Variants in SLC24A2 observed in about 807,000 individuals in gnomAD.
SLC24A2 encodes the protein sodium/potassium/calcium exchanger 2.
A neutral mutation model predicts 62.0 loss-of-function variants in SLC24A2; 36 were observed. The observed-to-expected ratio is 0.58, with a 90% CI of 0.44 to 0.77. SLC24A2 has a LOEUF of 0.77. SLC24A2 is among the 30% of genes least tolerant of loss of function. SLC24A2 has a pLI of 0.00. For missense variants in SLC24A2, 846 were observed against 817.9 expected (o/e 1.03, Z -0.42); for synonymous variants, 358 against 294.0 (o/e 1.22, Z -2.23).
At chr9:19,678,226 ATTCT>A (rs1430684496) in intron 2 of SLC24A2, among the ~76,000 whole-genome samples, 8 of 152,188 alleles carry the variant, frequency 5.3e-5, no homozygotes, top group Non-Finnish European at 1.2e-4. Flanking sequence ...TTCCTTTGTT[ATTCT>A]GACTCTAAAT....
the SLC24A2 span, among the ~76,000 whole-genome samples, chr9:20,203,191 G>C: frequency 2.0e-5 from 3 of 151,460 alleles, no homozygotes; most frequent in Non-Finnish European, 2.9e-5. Context: ...AATCTAAGCT[G>C]TGAACAGGGC....
the SLC24A2 span, among the ~76,000 whole-genome samples, chr9:20,105,060 A>G: frequency 6.6e-6 from 1 of 152,224 alleles, no homozygotes; most frequent in South Asian, 2.1e-4. Flanking sequence ...ATTCTCTGAT[A>G]AAACAGACTT....
the SLC24A2 span, among the ~76,000 whole-genome samples, chr9:19,920,207 C>G: frequency 6.6e-6 from 1 of 152,076 alleles, no homozygotes; most frequent in African/African-American, 2.4e-5. Context: ...AATAAATGAT[C>G]TCCTCCATTA....
the SLC24A2 span, among the ~76,000 whole-genome samples, chr9:19,875,525 G>A: frequency 1.3e-5 from 2 of 152,138 alleles, no homozygotes; most frequent in African/African-American, 4.8e-5. Flanking sequence ...TCCTGCAAGG[G>A]CTCCATCTGT....
the SLC24A2 span, among the ~76,000 whole-genome samples, chr9:19,819,987 A>G: frequency 7.1e-6 from 1 of 140,080 alleles, no homozygotes; most frequent in Non-Finnish European, 1.5e-5. Flanking sequence ...AGATAAAGAA[A>G]CTGCAGTATA....
chr9:19,636,342 T>TCTTTCTTTCTTG, intron 2 of SLC24A2, among the ~76,000 whole-genome samples: 1 of 35,904 alleles, frequency 2.8e-5, no homozygotes, highest in African/African-American at 1.4e-4. Flanking sequence ...TTTCTTTCTT[T>TCTTTCTTTCTTG]CTTTCTTTCT....
At chr9:19,535,533 G>C (rs1833921783) in intron 8 of SLC24A2, among the ~76,000 whole-genome samples, 1 of 152,152 alleles carries the variant, frequency 6.6e-6, no homozygotes, top group Admixed American at 6.6e-5. Context: ...TTTTGTGTAA[G>C]GTGTAAGGAA....
the SLC24A2 span, among the ~76,000 whole-genome samples, chr9:19,822,153 T>C: frequency 6.6e-6 from 1 of 152,162 alleles, no homozygotes; most frequent in East Asian, 1.9e-4. Context: ...AACCTAGTGA[T>C]AATGCCTATT....
chr9:20,272,674 T>A, the SLC24A2 span, among the ~76,000 whole-genome samples: 1 of 152,084 alleles, frequency 6.6e-6, no homozygotes, highest in South Asian at 2.1e-4. Flanking sequence ...ATCAGGCAAC[T>A]CAAAATAACA....
chr9:19,785,238 T>C (rs558138198), intron 2 of SLC24A2, among the ~76,000 whole-genome samples: 2 of 152,374 alleles, frequency 1.3e-5, no homozygotes, highest in African/African-American at 2.4e-5. Flanking sequence ...ACGATTGTTA[T>C]TAAAACTCCC....
At chr9:20,087,772 T>TGGAGC in the SLC24A2 span, among the ~76,000 whole-genome samples, 11 of 152,148 alleles carry the variant, frequency 7.2e-5, no homozygotes, top group Admixed American at 1.3e-4. Context: ...GTACAACACC[T>TGGAGC]TCAGCTGAAA....
the SLC24A2 span, among the ~76,000 whole-genome samples, chr9:19,887,084 T>C: frequency 6.6e-6 from 1 of 152,068 alleles, no homozygotes; most frequent in East Asian, 1.9e-4. Context: ...TCAGGAAAAA[T>C]AGCTGATGCG....
intron 4 of SLC24A2, among the ~76,000 whole-genome samples, chr9:19,615,816 AACTCTGAGACAACCTAGATTCAC>A (rs1817753036): frequency 6.6e-6 from 1 of 152,198 alleles, no homozygotes; most frequent in Non-Finnish European, 1.5e-5. Flanking sequence ...CTGATGGCCC[AACTCTGAGACAACCTAGATTCAC>A]TTTCCCTTAT....
At chr9:20,261,974 G>C in the SLC24A2 span, among the ~76,000 whole-genome samples, 1 of 151,966 alleles carries the variant, frequency 6.6e-6, no homozygotes, top group East Asian at 1.9e-4. Flanking sequence ...TCCTGACCTC[G>C]TGATCCGCCT....
At chr9:20,220,027 T>A in the SLC24A2 span, among the ~76,000 whole-genome samples, 1 of 152,160 alleles carries the variant, frequency 6.6e-6, no homozygotes, top group Non-Finnish European at 1.5e-5. Flanking sequence ...GCTATATAAG[T>A]GTAATTTATT....
At chr9:20,174,020 G>C in the SLC24A2 span, among the ~76,000 whole-genome samples, 1 of 152,002 alleles carries the variant, frequency 6.6e-6, no homozygotes, top group African/African-American at 2.4e-5. Context: ...CAATGTAACA[G>C]AATAGAGAAC....
At chr9:20,101,550 C>G in the SLC24A2 span, among the ~76,000 whole-genome samples, 1 of 152,052 alleles carries the variant, frequency 6.6e-6, no homozygotes, top group Non-Finnish European at 1.5e-5. Context: ...TTTGTGGCTT[C>G]CTAAAGGCTG....
At chr9:19,848,593 T>G in the SLC24A2 span, among the ~76,000 whole-genome samples, 1 of 152,226 alleles carries the variant, frequency 6.6e-6, no homozygotes, top group Non-Finnish European at 1.5e-5. Context: ...AAGAGTTAGC[T>G]ATTATTAACA....
intron 2 of SLC24A2, among the ~76,000 whole-genome samples, chr9:19,636,727 C>A (rs946037096): frequency 6.6e-6 from 1 of 152,032 alleles, no homozygotes; most frequent in Admixed American, 6.5e-5. Flanking sequence ...AGCCACCACG[C>A]CTGGCCAGTA....
Sources: gnomAD v4.1 joint callset for allele counts (sites outside exome capture counted in the v4.1 genomes callset) on GRCh38, gnomAD v4.1.1 for gene constraint, MANE v1.5 for transcripts, NCBI Gene and HGNC (gene_info 2026-07-23, HGNC 2026-07-21) for gene names.